The following CTNNA3 variants were observed in gnomAD, a reference collection of about 807,000 sequenced individuals.
The protein encoded by CTNNA3 is catenin alpha 3, also known as catenin alpha-3.
CTNNA3 carries 76 observed loss-of-function variants against 95.7 expected under a neutral mutation model. The ratio of observed to expected loss-of-function variants is 0.79; its 90% confidence interval spans 0.66 to 0.96. The LOEUF (loss-of-function observed/expected upper bound fraction) is 0.96, where lower values mean the gene tolerates loss of function less well. Among genes scored for constraint, CTNNA3 ranks in the 40% least tolerant of loss-of-function variants. The pLI is 0.00. For missense variants in CTNNA3, 1,191 were observed against 1,089.8 expected, an observed-to-expected ratio of 1.09 and a Z score of -1.31; for synonymous variants, 431 against 374.4, an observed-to-expected ratio of 1.15 and a Z score of -1.74.
chr10:65,976,433 A>G (rs903824824), intron 16 of CTNNA3, among the ~76,000 whole-genome samples: 1 of 152,174 alleles, frequency 6.6e-6, no homozygotes, highest in African/African-American at 2.4e-5. Context: ...AGGCCACAGT[A>G]GAAAAGCCTA....
intron 13 of CTNNA3, among the ~76,000 whole-genome samples, chr10:66,113,858 G>A (rs2082209500): frequency 6.6e-6 from 1 of 152,100 alleles, no homozygotes; most frequent in African/African-American, 2.4e-5. Context: ...GATGATGTGA[G>A]GGTTCTTCAC....
chr10:66,600,251 G>A (rs1399406236), intron 10 of CTNNA3, among the ~76,000 whole-genome samples: 2 of 151,592 alleles, frequency 1.3e-5, no homozygotes, highest in Non-Finnish European at 3.0e-5. Context: ...ATATTGCCCT[G>A]GATCCTAAGC....
At chr10:67,666,118 G>C (rs965878418) in intron 1 of CTNNA3, among the ~76,000 whole-genome samples, 1 of 152,232 alleles carries the variant, frequency 6.6e-6, no homozygotes, top group African/African-American at 2.4e-5. Context: ...TACTTGTACA[G>C]GTTTGTTATA....
chr10:67,184,578 G>T (rs776825733), intron 6 of CTNNA3, among the ~76,000 whole-genome samples: 60 of 152,238 alleles, frequency 3.9e-4, no homozygotes, highest in Non-Finnish European at 6.5e-4. Flanking sequence ...GCTGTTAATT[G>T]TCAGTCCTTT....
chr10:67,188,981 G>A (rs1862993092), intron 6 of CTNNA3, among the ~76,000 whole-genome samples: 1 of 152,014 alleles, frequency 6.6e-6, no homozygotes, highest in South Asian at 2.1e-4. Flanking sequence ...GCCAGGCGTG[G>A]TGGCGCATGC....
intron 7 of CTNNA3, among the ~76,000 whole-genome samples, chr10:66,979,206 G>A (rs964525992): frequency 1.3e-5 from 2 of 151,848 alleles, no homozygotes; most frequent in African/African-American, 4.8e-5. Flanking sequence ...GACCTCTAGC[G>A]ATCTGCCTGC....
At chr10:66,882,591 T>C (rs1291442134) in intron 7 of CTNNA3, among the ~76,000 whole-genome samples, 1 of 152,188 alleles carries the variant, frequency 6.6e-6, no homozygotes. Flanking sequence ...TTTCTCCTAC[T>C]GGAAGAATAT....
At chr10:67,225,007 C>G (rs943911429) in intron 5 of CTNNA3, among the ~76,000 whole-genome samples, 1 of 152,166 alleles carries the variant, frequency 6.6e-6, no homozygotes, top group African/African-American at 2.4e-5. Flanking sequence ...TGCCCACCAC[C>G]TGGAAACAGA....
intron 11 of CTNNA3, among the ~76,000 whole-genome samples, chr10:66,492,546 A>G (rs1031412529): frequency 3.3e-5 from 5 of 151,140 alleles, no homozygotes; most frequent in Non-Finnish European, 5.9e-5. Flanking sequence ...TTAAACTTCT[A>G]TTGTGGAAGT....
intron 7 of CTNNA3, among the ~76,000 whole-genome samples, chr10:66,858,029 T>C (rs1843751006): frequency 6.6e-6 from 1 of 152,074 alleles, no homozygotes; most frequent in Non-Finnish European, 1.5e-5. Context: ...CAGTATGACG[T>C]TGGCTGTAGA....
At chr10:66,701,479 C>A (rs1476848026) in intron 9 of CTNNA3, among the ~76,000 whole-genome samples, 1 of 152,150 alleles carries the variant, frequency 6.6e-6, no homozygotes, top group Non-Finnish European at 1.5e-5. Context: ...ACAGTTTCAA[C>A]ACTGTACAGT....
intron 6 of CTNNA3, among the ~76,000 whole-genome samples, chr10:67,215,164 C>A (rs1864302027): frequency 6.6e-6 from 1 of 152,102 alleles, no homozygotes; most frequent in Admixed American, 6.6e-5. Context: ...ATCACCAATT[C>A]TCTAACCTAA....
chr10:66,003,421 T>C (rs569131347), intron 15 of CTNNA3, among the ~76,000 whole-genome samples: 1 of 152,074 alleles, frequency 6.6e-6, no homozygotes, highest in Non-Finnish European at 1.5e-5. Flanking sequence ...CACAATTTTA[T>C]TTTCTGTTCT....
intron 7 of CTNNA3, chr10:67,098,390 T>C (rs1390190146): frequency 2.0e-5 from 3 of 152,298 alleles, no homozygotes; most frequent in African/African-American, 7.2e-5. Context: ...AAATAATACA[T>C]TAACCAAAAA....
At chr10:67,252,423 C>T (rs1316926054) in intron 5 of CTNNA3, among the ~76,000 whole-genome samples, 2 of 152,096 alleles carry the variant, frequency 1.3e-5, no homozygotes, top group African/African-American at 2.4e-5. Flanking sequence ...CCTATACATA[C>T]ATACCTATGA....
intron 7 of CTNNA3, among the ~76,000 whole-genome samples, chr10:66,915,878 AGCTGGGACTACAGGC>A (rs1846468334): frequency 6.6e-6 from 1 of 151,666 alleles, no homozygotes; most frequent in Non-Finnish European, 1.5e-5. Flanking sequence ...CATCCTGAGT[AGCTGGGACTACAGGC>A]GCCTGCCACC....
At chr10:66,833,200 G>A (rs1259031397) in intron 7 of CTNNA3, among the ~76,000 whole-genome samples, 1 of 152,176 alleles carries the variant, frequency 6.6e-6, no homozygotes, top group East Asian at 1.9e-4. Context: ...AGCATGACTT[G>A]TGTGTCTTCA....
chr10:66,675,843 G>C (rs2132485156), intron 9 of CTNNA3, among the ~76,000 whole-genome samples: 1 of 152,132 alleles, frequency 6.6e-6, no homozygotes, highest in East Asian at 1.9e-4. Flanking sequence ...TTCAATCCCT[G>C]TGGCTATGAC....
At chr10:67,532,023 A>G (rs917277264) in intron 4 of CTNNA3, among the ~76,000 whole-genome samples, 20 of 152,148 alleles carry the variant, frequency 1.3e-4, no homozygotes, top group South Asian at 1.2e-3. Context: ...GCCTCCCCTC[A>G]CAATCATGGA....
Sources: gnomAD v4.1 joint callset for allele counts (sites outside exome capture counted in the v4.1 genomes callset) on GRCh38, gnomAD v4.1.1 for gene constraint, MANE v1.5 for transcripts, NCBI Gene and HGNC (gene_info 2026-07-23, HGNC 2026-07-21) for gene names.